SMAP1: variants seen among roughly 807,000 people sequenced by gnomAD.
SMAP1 encodes the protein small ArfGAP 1.
A neutral mutation model predicts 58.5 loss-of-function variants in SMAP1; 24 were observed. The ratio of observed to expected loss-of-function variants is 0.41; its 90% CI spans 0.30 to 0.58. The LOEUF is 0.58. Ranked by LOEUF, SMAP1 falls within the 20% of genes least tolerant of loss-of-function variation. SMAP1 has a pLI of 0.29. For missense variants in SMAP1, 563 were observed against 566.3 expected, an observed-to-expected ratio of 0.99 and a Z score of 0.06; for synonymous variants, 216 against 196.6, an observed-to-expected ratio of 1.10 and a Z score of -0.82.
chr6:70,717,190 T>G (rs1485142089), intron 1 of SMAP1, among the ~76,000 whole-genome samples: 1 of 152,222 alleles, frequency 6.6e-6, no homozygotes, highest in South Asian at 2.1e-4. Context: ...GTGTTGCAGT[T>G]CATTCTATCT....
intron 6 of SMAP1, among the ~76,000 whole-genome samples, chr6:70,800,736 A>C (rs1489965402): frequency 6.9e-6 from 1 of 145,376 alleles, no homozygotes; most frequent in East Asian, 2.0e-4. Flanking sequence ...CTTACTGTTC[A>C]ATTCCCACCT....
chr6:70,692,671 A>T (rs1442637716), intron 1 of SMAP1, among the ~76,000 whole-genome samples: 1 of 152,182 alleles, frequency 6.6e-6, no homozygotes, highest in Non-Finnish European at 1.5e-5. Flanking sequence ...TACTGGAGAG[A>T]CTGCTCTTTT....
chr6:70,831,600 C>A (rs12215187), intron 6 of SMAP1, among the ~76,000 whole-genome samples: 75,435 of 152,038 alleles, frequency 0.5, 19,054 homozygotes, highest in African/African-American at 0.52. Flanking sequence ...ACATGATCTC[C>A]TTCTTTTTTA....
chr6:70,673,396 A>G (rs1254765723), intron 1 of SMAP1, among the ~76,000 whole-genome samples: 2 of 152,228 alleles, frequency 1.3e-5, no homozygotes, highest in Non-Finnish European at 2.9e-5. Context: ...ATGTGCAGAT[A>G]ATTGGCAGAT....
intron 1 of SMAP1, among the ~76,000 whole-genome samples, chr6:70,675,134 A>G (rs1387300770): frequency 6.8e-6 from 1 of 147,864 alleles, no homozygotes; most frequent in African/African-American, 2.5e-5. Context: ...TGTGACCTGG[A>G]GAATGTTAAA....
At chr6:70,799,611 T>C (rs540392223) in intron 6 of SMAP1, among the ~76,000 whole-genome samples, 1 of 152,312 alleles carries the variant, frequency 6.6e-6, no homozygotes, top group South Asian at 2.1e-4. Context: ...AGGCATAAAT[T>C]GGATACTGCA....
intron 2 of SMAP1, among the ~76,000 whole-genome samples, chr6:70,740,266 A>G (rs1765760096): frequency 6.6e-6 from 1 of 152,160 alleles, no homozygotes; most frequent in Non-Finnish European, 1.5e-5. Flanking sequence ...TAATGTTTAA[A>G]AACAAGGCCA....
intron 6 of SMAP1, among the ~76,000 whole-genome samples, chr6:70,835,925 G>A (rs1770562883): frequency 6.6e-6 from 1 of 152,170 alleles, no homozygotes; most frequent in Non-Finnish European, 1.5e-5. Flanking sequence ...TTTGGAATGT[G>A]TAACTATGAC....
At chr6:70,807,301 T>G (rs537537900) in intron 6 of SMAP1, among the ~76,000 whole-genome samples, 1 of 152,342 alleles carries the variant, frequency 6.6e-6, no homozygotes, top group Admixed American at 6.5e-5. Context: ...TAGGCTTACT[T>G]TTTTTCTGGG....
At chr6:70,706,533 T>C (rs1767845013) in intron 1 of SMAP1, among the ~76,000 whole-genome samples, 1 of 152,130 alleles carries the variant, frequency 6.6e-6, no homozygotes, top group African/African-American at 2.4e-5. Context: ...TATACAGAGG[T>C]TAAAGAGGTA....
At chr6:70,709,768 A>G (rs1207369259) in intron 1 of SMAP1, among the ~76,000 whole-genome samples, 2 of 151,984 alleles carry the variant, frequency 1.3e-5, no homozygotes, top group East Asian at 1.9e-4. Context: ...TTGGAATTGC[A>G]TTTGTTTGTA....
At chr6:70,736,245 T>C (rs986524240) in intron 2 of SMAP1, among the ~76,000 whole-genome samples, 2 of 152,200 alleles carry the variant, frequency 1.3e-5, no homozygotes, top group African/African-American at 4.8e-5. Context: ...ATAAAGTTAC[T>C]CACTGTAAAA....
At chr6:70,767,492 T>G (rs1044318217) in intron 3 of SMAP1, among the ~76,000 whole-genome samples, 2 of 152,174 alleles carry the variant, frequency 1.3e-5, no homozygotes, top group Admixed American at 1.3e-4. Flanking sequence ...TTCCTAAGTA[T>G]TTTATTATCT....
In SMAP1 at chr6:70,858,068, A is replaced by T. The variant is rs773073667; in HGVS notation, c.1108A>T (p.Met370Leu). 1 of 1,613,950 alleles carries T rather than the reference A, an allele frequency of 6.2e-7. No individual in the cohort carries two copies. Among genetic ancestry groups the T allele is most frequent in the Non-Finnish European group, 8.5e-7 (1 of 1,180,000 alleles). The change falls in exon 10 of 11, where the codon ATG (methionine) becomes TTG (leucine). Residue 370 changes from methionine to leucine, a missense_variant. Transcript: ENST00000370455. ...MGQSPSMMVG[M>L]PMPNGFMGNA... ...ACAGAGTCCAAGCATGATGGTGGGC[A>T]TGCCCATGCCCAATGGGTTTATGGG...
At chr6:70,720,574 A>G (rs1768478105) in intron 1 of SMAP1, among the ~76,000 whole-genome samples, 1 of 152,202 alleles carries the variant, frequency 6.6e-6, no homozygotes, top group Non-Finnish European at 1.5e-5. Flanking sequence ...GAGGTTCTCC[A>G]TGAGGACCCT....
intron 7 of SMAP1, among the ~76,000 whole-genome samples, chr6:70,839,137 C>T (rs1770709799): frequency 6.6e-6 from 1 of 152,142 alleles, no homozygotes; most frequent in South Asian, 2.1e-4. Flanking sequence ...CAACAGCTTA[C>T]AACATTAAAC....
chr6:70,699,914 C>G (rs1046911264), intron 1 of SMAP1, among the ~76,000 whole-genome samples: 2 of 151,926 alleles, frequency 1.3e-5, no homozygotes. Flanking sequence ...AGCTGGCAAC[C>G]AAACTGTAAG....
At chr6:70,779,355 G>A (rs570000464) in intron 4 of SMAP1, among the ~76,000 whole-genome samples, 19 of 152,352 alleles carry the variant, frequency 1.2e-4, no homozygotes, top group African/African-American at 4.6e-4. Flanking sequence ...GTAGTCTAGT[G>A]TTGGCGGTAC....
At chr6:70,731,231 T>G (rs1364188414) in intron 1 of SMAP1, among the ~76,000 whole-genome samples, 1 of 152,246 alleles carries the variant, frequency 6.6e-6, no homozygotes, top group Non-Finnish European at 1.5e-5. Context: ...TTTTCCATTT[T>G]TACTTTATTA....
Sources: allele counts gnomAD v4.1 joint callset (sites outside exome capture counted in the v4.1 genomes callset), GRCh38; gene constraint gnomAD v4.1.1; transcripts MANE v1.5; gene names NCBI Gene and HGNC (gene_info 2026-07-23, HGNC 2026-07-21).